Variants in PRKAA1 observed in about 807,000 individuals in gnomAD.
The protein encoded by PRKAA1 is protein kinase AMP-activated catalytic subunit alpha 1, also known as 5'-AMP-activated protein kinase catalytic subunit alpha-1.
Under a neutral mutation model 56.9 loss-of-function variants are expected in PRKAA1, and 23 were observed. That is an observed-to-expected ratio of 0.40 (90% CI 0.29 to 0.57). The LOEUF is 0.57. PRKAA1 is among the 20% of genes least tolerant of loss of function. The pLI is 0.39. For missense variants in PRKAA1, 413 were observed against 679.7 expected, an observed-to-expected ratio of 0.61 and a Z score of 4.36; for synonymous variants, 226 against 227.0, an observed-to-expected ratio of 1.00 and a Z score of 0.04.
At chr5:40,780,801 C>T (rs958211732) in intron 1 of PRKAA1, among the ~76,000 whole-genome samples, 5 of 152,136 alleles carry the variant, frequency 3.3e-5, no homozygotes, top group African/African-American at 1.2e-4. Context: ...ATGGTGGCCA[C>T]CGCTATTGAG....
intron 1 of PRKAA1, among the ~76,000 whole-genome samples, chr5:40,785,840 A>AGT (rs1744453046): frequency 8.2e-5 from 1 of 12,234 alleles, no homozygotes; most frequent in African/African-American, 2.1e-4. Context: ...ACACACACAC[A>AGT]GAGAGAGAGA....
chr5:40,777,671 T>C (rs1307315388), intron 1 of PRKAA1, 85 bp from the exon 2 acceptor site: 2 of 1,317,124 alleles, frequency 1.5e-6, no homozygotes, highest in Non-Finnish European at 2.1e-6. Context: ...CAGTGGCTCA[T>C]GCCTGTAATC....
rs749472702 is a variant in PRKAA1, at chr5:40,769,513, C to T, written c.509-10G>A. 2.5e-6 allele frequency: 4 copies of T among 1,590,664 alleles called. No homozygotes were observed. The highest frequency in any genetic ancestry group is 1.4e-5 in the African/African-American group (1 of 74,066). ...ATCATGTTTGAAAGACCTGAAAGTG[C>T]ACAAAATCAGCTACTCAAAAGATTT... is the stretch of plus-strand genomic sequence containing the variant. On this transcript the variant is annotated splice_polypyrimidine_tract_variant and intron_variant, in intron 4 of 8. Transcript: ENST00000397128.
At chr5:40,795,670 A>G (rs1744895466) in intron 1 of PRKAA1, among the ~76,000 whole-genome samples, 1 of 152,246 alleles carries the variant, frequency 6.6e-6, no homozygotes, top group Admixed American at 6.5e-5. Context: ...TACTAGGCAA[A>G]GCTAGATTTT....
chr5:40,779,774 C>G (rs1052005810), intron 1 of PRKAA1, among the ~76,000 whole-genome samples: 3 of 152,114 alleles, frequency 2.0e-5, no homozygotes, highest in Non-Finnish European at 2.9e-5. Context: ...TTCACAAATA[C>G]AGATGAACAA....
At chr5:40,782,980 A>G (rs1035338988) in intron 1 of PRKAA1, among the ~76,000 whole-genome samples, 13 of 152,214 alleles carry the variant, frequency 8.5e-5, no homozygotes, top group Admixed American at 8.5e-4. Context: ...GTATGGTGGT[A>G]TAACTTCTTC....
rs1169614906 is a variant in PRKAA1 at position 40,762,910 on chromosome 5, G to A, written c.1548C>T (p.Ser516=). The A allele has an allele frequency of 1.2e-6, 2 of 1,614,046 alleles. No individual in the cohort carries two copies. Among genetic ancestry groups the A allele is most frequent in the Non-Finnish European group, 1.7e-6 (2 of 1,180,044 alleles). ...SDSDAEAQGK[S]SEVSLTSSVT... ...CAGATGAGGTAAGAGAAACTTCTGA[G>A]GATTTTCCTTGAGCCTCAGCATCTG... The change falls in exon 9 of 9, where the codon TCC becomes TCT. Residue 516 remains serine, a synonymous_variant. Coordinates refer to ENST00000397128, the MANE Select transcript of PRKAA1 (RefSeq NM_006251.6).
chr5:40,772,244 G>A (rs1168702417), intron 3 of PRKAA1, among the ~76,000 whole-genome samples: 2 of 152,018 alleles, frequency 1.3e-5, no homozygotes, highest in African/African-American at 2.4e-5. Context: ...TACCTTCAAC[G>A]TGCTACACAT....
chr5:40,767,045 G>A (rs1743492040), intron 6 of PRKAA1, among the ~76,000 whole-genome samples: 2 of 151,728 alleles, frequency 1.3e-5, no homozygotes, highest in Admixed American at 6.6e-5. Flanking sequence ...AAAAATAAAA[G>A]ATATACATAT....
At chr5:40,782,627 G>C (rs1437399724) in intron 1 of PRKAA1, among the ~76,000 whole-genome samples, 1 of 152,124 alleles carries the variant, frequency 6.6e-6, no homozygotes, top group Non-Finnish European at 1.5e-5. Context: ...AATTAGAGCA[G>C]AGCAAGAAGA....
At chr5:40,776,627 A>C (rs942456230) in intron 2 of PRKAA1, among the ~76,000 whole-genome samples, 4 of 152,252 alleles carry the variant, frequency 2.6e-5, no homozygotes, top group Admixed American at 2.0e-4. Context: ...AACAAAGCAG[A>C]AGCTGAGCAG....
At chr5:40,793,451 A>G (rs1744798660) in intron 1 of PRKAA1, among the ~76,000 whole-genome samples, 1 of 152,236 alleles carries the variant, frequency 6.6e-6, no homozygotes, top group South Asian at 2.1e-4. Context: ...CCGAACTTCC[A>G]GCCTACTCTC....
chr5:40,795,689 T>C (rs930029130), intron 1 of PRKAA1, among the ~76,000 whole-genome samples: 4 of 152,188 alleles, frequency 2.6e-5, no homozygotes, highest in Non-Finnish European at 4.4e-5. Context: ...TTCTATTACT[T>C]GTGGCAAAAA....
chr5:40,773,472 G>A (rs1703609360), intron 3 of PRKAA1, among the ~76,000 whole-genome samples: 1 of 152,144 alleles, frequency 6.6e-6, no homozygotes, highest in Admixed American at 6.5e-5. Flanking sequence ...CCAATTAAAT[G>A]TAACAGATTA....
chr5:40,770,243 A>G (rs964196318), intron 4 of PRKAA1, among the ~76,000 whole-genome samples: 1 of 152,200 alleles, frequency 6.6e-6, no homozygotes, highest in East Asian at 1.9e-4. Context: ...CAGGCGGATC[A>G]CTTCAGCTCA....
intron 1 of PRKAA1, among the ~76,000 whole-genome samples, chr5:40,780,779 C>A (rs1744237334): frequency 6.6e-6 from 1 of 152,154 alleles, no homozygotes; most frequent in African/African-American, 2.4e-5. Flanking sequence ...CTCTGGGCCC[C>A]CAGCAGATTT....
intron 2 of PRKAA1, chr5:40,777,170 G>A: frequency 4.5e-6 from 1 of 222,048 alleles, no homozygotes; most frequent in Non-Finnish European, 9.0e-6. Context: ...CCACCACCAT[G>A]CCCAGCTAAT....
rs1256896484 is a variant in PRKAA1 at position 40,764,505 on chromosome 5, T to C, written c.1435+9A>G. The C allele has an allele frequency of 6.2e-7, 1 of 1,608,122 alleles. No homozygotes were observed. Among genetic ancestry groups the C allele is most frequent in the Non-Finnish European group, 8.5e-7 (1 of 1,177,446 alleles). On this transcript the variant is annotated intron_variant, in intron 8 of 8. Coordinates refer to ENST00000397128, the MANE Select transcript of PRKAA1 (RefSeq NM_006251.6). ...GTCTAATCTATGTTGTTTTGTGTGA[T>C]GTACATACCATCAATACTACGGAAA...
chr5:40,786,495 CA>C (rs1364019233), intron 1 of PRKAA1, among the ~76,000 whole-genome samples: 1 of 151,656 alleles, frequency 6.6e-6, no homozygotes, highest in Non-Finnish European at 1.5e-5. Context: ...AAGTACCAAA[CA>C]GTAATCATAG....
Sources: gnomAD v4.1 joint callset for allele counts (sites outside exome capture counted in the v4.1 genomes callset) on GRCh38, gnomAD v4.1.1 for gene constraint, MANE v1.5 for transcripts, NCBI Gene and HGNC (gene_info 2026-07-23, HGNC 2026-07-21) for gene names.